GLMP: variants seen among roughly 807,000 people sequenced by gnomAD.
GLMP encodes glycosylated lysosomal membrane protein.
Under a neutral mutation model 39.2 loss-of-function variants are expected in GLMP, and 36 were observed. That is an observed-to-expected ratio of 0.92 (90% CI 0.70 to 1.21). The LOEUF (loss-of-function observed/expected upper bound fraction) is 1.21, where lower values mean the gene tolerates loss of function less well. GLMP is among the 50% of genes most tolerant of loss of function. GLMP has a pLI of 0.00. For synonymous variants in GLMP, 220 were observed against 218.9 expected (o/e 1.01, Z -0.04); for missense variants, 454 against 505.6 (o/e 0.90, Z 0.98).
rs377319940 is a variant in GLMP, at chr1:156,294,317, C to T, written c.579+48G>A. 603 of 1,606,346 alleles carry T rather than the reference C, an allele frequency of 3.8e-4. 1 individual carries two copies. The highest frequency in any genetic ancestry group is 2.3e-3 in the Middle Eastern group (14 of 6,050). On this transcript the variant is annotated intron_variant, in intron 3 of 5. Coordinates refer to ENST00000362007, the MANE Select transcript of GLMP (RefSeq NM_144580.3). ...GGCCACCTCCATCATTAAATCCCACCCTCACAAATCAGCCTTTTTGAGCTC... is the reference window on the plus strand; with the variant it reads ...GGCCACCTCCATCATTAAATCCCACTCTCACAAATCAGCCTTTTTGAGCTC...
chr1:156,293,430 C>A lies in GLMP; in HGVS notation c.945G>T (p.Gln315His). 6.2e-7 allele frequency: 1 copy of A among 1,614,144 alleles called. No individual in the cohort carries two copies. The highest frequency in any genetic ancestry group is 8.5e-7 in the Non-Finnish European group (1 of 1,180,034). ...LHPALAYSLP[Q>H]SPIVRAFFGS... ...CAAAGAAGGCTCGGACAATGGGTGA[C>A]TGGGGAAGAGAGTATGCTAAGGCAG... The change falls in exon 5 of 6, where the codon CAG (glutamine) becomes CAT (histidine). Residue 315 changes from glutamine (Q) to histidine (H), a missense_variant. Transcript: ENST00000362007.
rs1296203935 is a variant in GLMP, at chr1:156,294,257, G to C, written c.580-21C>G. 3 of 1,610,798 alleles carry C rather than the reference G, an allele frequency of 1.9e-6. No homozygotes were observed. The African/African-American group carries it at 4.0e-5, about 22-fold the overall frequency. ...TGGACCTAGGAAGGAAGAAGCATGGGAGGTGTGGGAAATAGCTGGATGCCT... is the reference window on the plus strand; with the variant it reads ...TGGACCTAGGAAGGAAGAAGCATGGCAGGTGTGGGAAATAGCTGGATGCCT... On this transcript the variant is annotated intron_variant, in intron 3 of 5. Transcript: ENST00000362007.
At chr1:156,294,331 CT>C in intron 3 of GLMP, 33 bp downstream of exon 3, 1 of 1,611,512 alleles carries the variant, frequency 6.2e-7, no homozygotes, top group Non-Finnish European at 8.5e-7. Flanking sequence ...ACAAATCAGC[CT>C]TTTTGAGCTC....
Position 156,292,948 on chromosome 1 carries a change from G to A in GLMP, c.*96C>T. On this transcript the variant is annotated 3_prime_UTR_variant, in exon 6 of 6. Transcript: ENST00000362007. ...TTCCACAGAAAAGCAAGATGGGGGA[G>A]TGAAGGGGCCGGCTGGAACTTGATG... 1 of 1,476,928 alleles carries A rather than the reference G, an allele frequency of 6.8e-7. No homozygotes were observed. The highest frequency in any genetic ancestry group is 9.1e-7 in the Non-Finnish European group (1 of 1,094,790). The allele number at this position is 1,476,928 out of a possible 1,614,324, so 91.5% of individuals were successfully genotyped here.
chr1:156,293,414 C>T lies in GLMP; in HGVS notation c.961G>A (p.Ala321Thr). 1 of 1,614,182 alleles carries T rather than the reference C, an allele frequency of 6.2e-7. No individual in the cohort carries two copies. Among genetic ancestry groups the T allele is most frequent in the Non-Finnish European group, 8.5e-7 (1 of 1,180,036 alleles). ...AAGTTATTCTGGGACCCAAAGAAGG[C>T]TCGGACAATGGGTGACTGGGGAAGA... Reference protein sequence around the residue: ...YSLPQSPIVRAFFGSQNNFCA... With the variant: ...YSLPQSPIVRTFFGSQNNFCA... The change falls in exon 5 of 6, where the codon GCC (alanine) becomes ACC (threonine). Residue 321 changes from alanine (A) to threonine (T), a missense_variant. Coordinates refer to ENST00000362007, the MANE Select transcript of GLMP (RefSeq NM_144580.3).
intron 1 of GLMP, 31 bp from the exon 2 acceptor site, chr1:156,295,047 A>T (rs1230416905): frequency 6.8e-7 from 1 of 1,478,242 alleles, no homozygotes; most frequent in African/African-American, 1.4e-5. Context: ...GGGTTGAGGG[A>T]ACAGGACCAA....
At position 156,294,079 on chromosome 1, in the gene GLMP, TCAGGGCCCTGGCC is replaced by T; in HGVS notation, c.724_736del (p.Gly242ThrfsTer64). ...GTGCTGCTCCTGCATTGAGGGGCAGTCAGGGCCCTGGCCCAATGTGGCTACCTCCAGCCCAAAC... is the reference window on the plus strand; with the variant it reads ...GTGCTGCTCCTGCATTGAGGGGCAGTCAATGTGGCTACCTCCAGCCCAAAC... On this transcript the variant is annotated frameshift_variant, in exon 4 of 6. Coordinates refer to ENST00000362007, the MANE Select transcript of GLMP (RefSeq NM_144580.3). LOFTEE classifies it high-confidence loss of function. 6.2e-7 allele frequency: 1 copy of T among 1,614,098 alleles called. No homozygotes were observed.
chr1:156,294,390 A>G lies in GLMP; in HGVS notation c.554T>C (p.Phe185Ser). 3 of 1,614,172 alleles carry G rather than the reference A, an allele frequency of 1.9e-6. No homozygotes were observed. The highest frequency in any genetic ancestry group is 2.5e-6 in the Non-Finnish European group (3 of 1,180,022). ...CCTGAAGGCCAGGCTGCCATTGGCA[A>G]AAGTCCTGGTAGGGTCGTTCATGGG... ...GHPMNDPTRT[F>S]ANGSLAFRVQ... Residue 185 changes from phenylalanine (F) to serine (S), a missense_variant, in exon 3 of 6, where the codon TTT becomes TCT. Transcript: ENST00000362007.
intron 2 of GLMP, 60 bp from the exon 3 acceptor site, chr1:156,294,625 C>T: frequency 6.2e-7 from 1 of 1,605,140 alleles, no homozygotes; most frequent in Admixed American, 1.7e-5. Flanking sequence ...GAGACCACAC[C>T]TCCCACTCAC....
Position 156,293,518 on chromosome 1 carries a change from G to A in GLMP, c.857C>T (p.Ala286Val). 1.2e-6 allele frequency: 2 copies of A among 1,614,180 alleles called. No individual in the cohort carries two copies. The highest frequency in any genetic ancestry group is 2.2e-5 in the South Asian group (2 of 91,080). ...PSGFAQWRPV[A>V]YSQKPGGRES... ...TCGGCCCCCCGGCTTCTGGGAGTAA[G>A]CCACTGGTCGCCACTGTGCAAAGCC... The change falls in exon 5 of 6, where the codon GCT becomes GTT. Residue 286 changes from alanine (A) to valine (V), a missense_variant. Physicochemically the swap from Ala to Val is moderately conservative, Grantham distance 64. Coordinates refer to ENST00000362007, the MANE Select transcript of GLMP (RefSeq NM_144580.3).
Position 156,294,822 on chromosome 1 carries a change from A to G in GLMP, c.315T>C (p.Asp105=), listed in dbSNP as rs930900794. 1.3e-6 allele frequency: 2 copies of G among 1,592,224 alleles called. No homozygotes were observed. The highest frequency in any genetic ancestry group is 2.2e-5 in the East Asian group (1 of 44,576). ...CCTTAGGGAGCACCATCAGGCCCCCATCGGGCTCAGGGGATAGCAGGAGGC... is the reference window on the plus strand; with the variant it reads ...CCTTAGGGAGCACCATCAGGCCCCCGTCGGGCTCAGGGGATAGCAGGAGGC... ...NWSLLLSPEP[D]GGLMVLPKDS... The change falls in exon 2 of 6, where the codon GAT becomes GAC. Residue 105 remains aspartate, a synonymous_variant. Transcript: ENST00000362007.
In GLMP at chr1:156,293,383, G is replaced by A. The variant is rs541609519; in HGVS notation, c.992C>T (p.Ala331Val). ...GGAAGCCCCGAACGTCAGATTGAAG[G>A]CACAGAAGTTATTCTGGGACCCAAA... ...AFFGSQNNFCAFNLTFGASTG... is the reference protein window; with the variant it reads ...AFFGSQNNFCVFNLTFGASTG... The change falls in exon 5 of 6, where the codon GCC becomes GTC. Residue 331 changes from alanine (A) to valine (V), a missense_variant. Physicochemically the swap from Ala to Val is moderately conservative, Grantham distance 64. Coordinates refer to ENST00000362007, the MANE Select transcript of GLMP (RefSeq NM_144580.3). 1.2e-6 allele frequency: 2 copies of A among 1,614,246 alleles called. No homozygotes were observed. The highest frequency in any genetic ancestry group is 2.7e-5 in the African/African-American group (2 of 75,074).
chr1:156,295,088 G>C (rs892647583), intron 1 of GLMP, 72 bp from the exon 2 acceptor site: 61 of 1,252,774 alleles, frequency 4.9e-5, no homozygotes, highest in Admixed American at 2.5e-5. Context: ...GAAGCTTGAG[G>C]GGAGGGGGGC....
At chr1:156,295,413 A>G in intron 1 of GLMP, 113 bp downstream of exon 1, 1 of 1,411,728 alleles carries the variant, frequency 7.1e-7, no homozygotes. Context: ...AGGTTGAAGA[A>G]CCCTCCTCTT....
chr1:156,295,233 T>C, intron 1 of GLMP: 2 of 1,205,134 alleles, frequency 1.7e-6, no homozygotes, highest in Non-Finnish European at 2.2e-6. Flanking sequence ...CAGCCAGGAC[T>C]CCCCTGACCC....
In GLMP at chr1:156,292,863, A is replaced by C; in HGVS notation, c.*181T>G. ...CCCTGCCCGCCTCCAAAGTCCCCCA[A>C]CAAAGTATGAAGGAAGCCCCACCTG... On this transcript the variant is annotated 3_prime_UTR_variant, in exon 6 of 6. Coordinates refer to ENST00000362007, the MANE Select transcript of GLMP (RefSeq NM_144580.3). The C allele has an allele frequency of 2.7e-6, 2 of 750,140 alleles. No individual in the cohort carries two copies. Among genetic ancestry groups the C allele is most frequent in the Non-Finnish European group, 4.2e-6 (2 of 474,846 alleles). The allele number at this position is 750,140 out of a possible 1,614,324, so 46.5% of individuals were successfully genotyped here. A position where few individuals can be genotyped will look rare whatever the true frequency, so the allele number is the denominator to read the frequency against.
intron 4 of GLMP, 82 bp from the exon 5 acceptor site, chr1:156,293,658 T>C (rs952879882): frequency 2.5e-6 from 4 of 1,585,600 alleles, no homozygotes; most frequent in Admixed American, 1.8e-5. Context: ...CCAGCCTTAT[T>C]CTGTGACTAG....
Position 156,295,529 on chromosome 1 carries a change from G to T in GLMP, c.117C>A (p.Arg39=), listed in dbSNP as rs1174443154. 1 of 1,517,446 alleles carries T rather than the reference G, an allele frequency of 6.6e-7. No homozygotes were observed. The highest frequency in any genetic ancestry group is 1.3e-5 in the South Asian group (1 of 79,722). 94.0% of individuals were successfully genotyped at this position (1,517,446 alleles called of 1,614,324 possible). ...GCTGTAGCCCCAGGGCCCTCACCTGGCGGGTCTTCTCCCCCAGCAGGCCAA... is the reference window on the plus strand; with the variant it reads ...GCTGTAGCCCCAGGGCCCTCACCTGTCGGGTCTTCTCCCCCAGCAGGCCAA... The part of the protein sequence containing the change: ...APFGLLGEKT[R]QVSLEVIPNW... Residue 39 remains arginine (R), a synonymous_variant, in exon 1 of 6, where the codon CGC becomes CGA. Coordinates refer to ENST00000362007, the MANE Select transcript of GLMP (RefSeq NM_144580.3).
Position 156,293,365 on chromosome 1 carries a change from C to G in GLMP, c.1010G>C (p.Gly337Ala). ...CCAATAGCCAGGGCCTGTGGAAGCC[C>G]CGAACGTCAGATTGAAGGCACAGAA... ...NNFCAFNLTF[G>A]ASTGPGYWDQ... The change falls in exon 5 of 6, where the codon GGG becomes GCG. Residue 337 changes from glycine (G) to alanine (A), a missense_variant. By Grantham distance (60) the Gly-to-Ala change is moderately conservative. Transcript: ENST00000362007. 1 of 1,614,146 alleles carries G rather than the reference C, an allele frequency of 6.2e-7. No individual in the cohort carries two copies. Among genetic ancestry groups the G allele is most frequent in the Non-Finnish European group, 8.5e-7 (1 of 1,180,038 alleles).
Sources: allele counts gnomAD v4.1 joint callset, GRCh38; gene constraint gnomAD v4.1.1; transcripts MANE v1.5; gene names NCBI Gene and HGNC (gene_info 2026-07-23, HGNC 2026-07-21).